Variants in NAV3 observed in about 807,000 individuals in gnomAD.
The protein encoded by NAV3 is neuron navigator 3, also known as pore membrane and/or filament interacting like protein 1.
NAV3 carries 87 observed loss-of-function variants against 244.7 expected under a neutral mutation model. The ratio of observed to expected loss-of-function variants is 0.36; its 90% CI spans 0.30 to 0.42. NAV3 has a LOEUF of 0.42. Among genes scored for constraint, NAV3 ranks in the 20% least tolerant of loss-of-function variants. The probability of loss-of-function intolerance (pLI) is 1.00; values close to 1 mark genes in which losing one functional copy is unlikely to be tolerated. For missense variants in NAV3, 2,663 were observed against 2,893.3 expected, an observed-to-expected ratio of 0.92 and a Z score of 1.83; for synonymous variants, 1,126 against 1,042.2, an observed-to-expected ratio of 1.08 and a Z score of -1.55.
intron 1 of NAV3, among the ~76,000 whole-genome samples, chr12:77,917,859 A>C (rs1887310862): frequency 6.6e-6 from 1 of 152,046 alleles, no homozygotes; most frequent in Non-Finnish European, 1.5e-5. Flanking sequence ...AAAGGTTTCT[A>C]TATTCTTGAC....
At chr12:77,647,753 A>T (rs908176573) in intron 2 of NAV3, among the ~76,000 whole-genome samples, 4 of 152,006 alleles carry the variant, frequency 2.6e-5, no homozygotes, top group African/African-American at 9.7e-5. Context: ...ATTTTTTCCC[A>T]TTGACACTAC....
At chr12:77,895,928 AGAC>A (rs1884561907) in intron 1 of NAV3, among the ~76,000 whole-genome samples, 2 of 137,562 alleles carry the variant, frequency 1.5e-5, no homozygotes, top group Admixed American at 7.8e-5. Flanking sequence ...ATGGCCATTT[AGAC>A]TGCCTTTTGA....
At chr12:77,762,425 A>C (rs979458515) in intron 2 of NAV3, among the ~76,000 whole-genome samples, 5 of 151,954 alleles carry the variant, frequency 3.3e-5, no homozygotes, top group Admixed American at 6.6e-5. Context: ...CTTAAAGTAC[A>C]ATAAAAAATA....
At chr12:77,709,341 A>G (rs946304948) in intron 2 of NAV3, among the ~76,000 whole-genome samples, 80 of 152,290 alleles carry the variant, frequency 5.3e-4, no homozygotes, top group African/African-American at 1.9e-3. Context: ...CCCACAGCCA[A>G]TATCATACTG....
At chr12:78,128,627 C>T (rs2138843494) in intron 17 of NAV3, 79 bp from the exon 18 acceptor site, 1 of 1,397,200 alleles carries the variant, frequency 7.2e-7, no homozygotes, top group South Asian at 1.4e-5. Context: ...ATAGTAACCT[C>T]CTCTGAATTG....
intron 2 of NAV3, among the ~76,000 whole-genome samples, chr12:77,655,711 G>T (rs1035702488): frequency 2.6e-5 from 4 of 152,106 alleles, no homozygotes; most frequent in Admixed American, 2.0e-4. Flanking sequence ...AGAGAGAAAG[G>T]TCGGGTTACC....
chr12:77,608,620 T>C (rs913988911), intron 2 of NAV3, among the ~76,000 whole-genome samples: 7 of 152,242 alleles, frequency 4.6e-5, no homozygotes, highest in Admixed American at 4.6e-4. Context: ...AAATATTTTC[T>C]AGGTCTATAG....
At chr12:78,010,232 A>C (rs1337491592) in intron 8 of NAV3, among the ~76,000 whole-genome samples, 1 of 152,174 alleles carries the variant, frequency 6.6e-6, no homozygotes, top group Non-Finnish European at 1.5e-5. Flanking sequence ...TTGTTTATAG[A>C]GTCATGACAT....
At chr12:78,207,189 C>G (rs1430366373) in intron 39 of NAV3, among the ~76,000 whole-genome samples, 3 of 152,064 alleles carry the variant, frequency 2.0e-5, no homozygotes, top group African/African-American at 7.2e-5. Context: ...TATTTAGTGT[C>G]AAGAAACATC....
At chr12:78,101,135 T>C (rs1260164273) in intron 12 of NAV3, among the ~76,000 whole-genome samples, 5 of 152,178 alleles carry the variant, frequency 3.3e-5, no homozygotes, top group Admixed American at 1.3e-4. Context: ...TCGTTATTGA[T>C]TTATTCCACA....
chr12:78,197,461 T>A, intron 35 of NAV3, 60 bp downstream of exon 35: 1 of 1,350,776 alleles, frequency 7.4e-7, no homozygotes, highest in Non-Finnish European at 1.0e-6. Flanking sequence ...AAATTTGCCT[T>A]CTTGTACCTG....
intron 5 of NAV3, among the ~76,000 whole-genome samples, chr12:77,979,087 A>G (rs1228119918): frequency 6.6e-6 from 1 of 151,768 alleles, no homozygotes; most frequent in Non-Finnish European, 1.5e-5. Context: ...CTCAAAAATC[A>G]TAATTGTCTG....
intron 3 of NAV3, chr12:77,950,441 A>G (rs1446445298): frequency 6.6e-6 from 1 of 152,138 alleles, no homozygotes; most frequent in Non-Finnish European, 1.5e-5. Context: ...ATATGCTTAT[A>G]TGTCTTCAGT....
intron 12 of NAV3, among the ~76,000 whole-genome samples, chr12:78,060,583 G>T (rs1884181891): frequency 6.6e-6 from 1 of 152,094 alleles, no homozygotes; most frequent in South Asian, 2.1e-4. Context: ...TGGAGTGAAT[G>T]AACAAATTAA....
rs188855436 is a variant in NAV3 at position 77,802,869 on chromosome 12, A to G, written c.73-137450A>G. Among the ~76,000 whole-genome samples the G allele has an allele frequency of 1.1e-3, 175 of 152,184 alleles. 1 individual carries two copies. The highest frequency in any genetic ancestry group is 4.1e-3 in the African/African-American group (169 of 41,532). ...TTTTTAGTAGAGATGGGGTTTCACC[A>G]TGTTAGCCAGGATGGTCTCGATCTC... On this transcript the variant is annotated intron_variant, in intron 2 of 8. Transcript: ENST00000550042.
rs371691975 is a variant in NAV3 at position 77,629,616 on chromosome 12, CA to C, written c.72+57354del. Among the ~76,000 whole-genome samples the C allele has an allele frequency of 2.1e-4, 32 of 152,038 alleles. 1 individual carries two copies. The East Asian group carries it at 5.2e-3, about 25-fold the overall frequency. ...TCTAATTTTTCCCTAAAATAAAGTC[CA>C]AAACATTAAATGTTCTCTGCAATGT... is the stretch of plus-strand genomic sequence containing the variant. On this transcript the variant is annotated intron_variant, in intron 2 of 8. Transcript: ENST00000550042.
At chr12:77,998,315 A>C in intron 6 of NAV3, 22 bp from the exon 7 acceptor site, 1 of 1,535,252 alleles carries the variant, frequency 6.5e-7, no homozygotes, top group Non-Finnish European at 8.7e-7. Flanking sequence ...ATAATGATGT[A>C]ATTTTTCTTA....
intron 1 of NAV3, 61 bp from the exon 2 acceptor site, chr12:77,940,258 C>T: frequency 8.2e-7 from 1 of 1,214,526 alleles, no homozygotes; most frequent in East Asian, 2.4e-5. Context: ...TTGTCTTCAG[C>T]ATTTTATTGT....
intron 23 of NAV3, among the ~76,000 whole-genome samples, chr12:78,168,243 G>T (rs1450939825): frequency 6.6e-6 from 1 of 151,586 alleles, no homozygotes; most frequent in African/African-American, 2.4e-5. Context: ...AGGAATTAGG[G>T]GTAAGTTCCA....
Sources: gnomAD v4.1 joint callset for allele counts (sites outside exome capture counted in the v4.1 genomes callset) on GRCh38, gnomAD v4.1.1 for gene constraint, MANE v1.5 for transcripts, NCBI Gene and HGNC (gene_info 2026-07-23, HGNC 2026-07-21) for gene names.